CNGB1: variants seen among roughly 807,000 people sequenced by gnomAD.
The protein encoded by CNGB1 is cyclic nucleotide-gated channel beta-1.
A neutral mutation model predicts 151.7 loss-of-function variants in CNGB1; 126 were observed. That is an observed-to-expected ratio of 0.83 (90% CI 0.72 to 0.96). The LOEUF (loss-of-function observed/expected upper bound fraction) is 0.96. Among genes scored for constraint, CNGB1 ranks in the 40% least tolerant of loss-of-function variants. CNGB1 has a pLI of 0.00. For synonymous variants in CNGB1, 623 were observed against 635.1 expected (o/e 0.98, Z 0.29); for missense variants, 1,698 against 1,627.0 (o/e 1.04, Z -0.75).
intron 18 of CNGB1, 104 bp downstream of exon 18, chr16:57,923,169 T>A (rs1961090433): frequency 1.2e-6 from 1 of 831,992 alleles, no homozygotes; most frequent in Non-Finnish European, 1.9e-6. Flanking sequence ...ACTGGCAAAG[T>A]CTGCCTTGCG....
In CNGB1 at chr16:57,970,236, G is replaced by A. The variant is rs191040636; in HGVS notation, c.-9+824C>T. 6.6e-5 allele frequency among the ~76,000 whole-genome samples: 10 copies of A among 152,204 alleles called. No homozygotes were observed. In the South Asian group the frequency reaches 1.9e-3, roughly 28 times the overall value. Reference sequence around the variant, plus strand: ...CACAGACACAATGTTTTCCCAGGTCGGGACTGCCAGAGCTCACATGTTGGG... The same window carrying A: ...CACAGACACAATGTTTTCCCAGGTCAGGACTGCCAGAGCTCACATGTTGGG... On this transcript the variant is annotated intron_variant, in intron 1 of 32. Coordinates refer to ENST00000251102, the MANE Select transcript of CNGB1 (RefSeq NM_001297.5).
At chr16:57,942,537 A>G (rs575598215) in intron 14 of CNGB1, among the ~76,000 whole-genome samples, 1 of 152,350 alleles carries the variant, frequency 6.6e-6, no homozygotes, top group South Asian at 2.1e-4. Flanking sequence ...TGACAGAACC[A>G]TATGCTGAAA....
At chr16:57,932,095 C>T (rs930744314) in intron 16 of CNGB1, among the ~76,000 whole-genome samples, 2 of 152,132 alleles carry the variant, frequency 1.3e-5, no homozygotes, top group South Asian at 2.1e-4. Flanking sequence ...CCAGGAGCCA[C>T]GAAAGAAGCC....
At chr16:57,943,198 A>G (rs968698460) in intron 14 of CNGB1, among the ~76,000 whole-genome samples, 1 of 152,202 alleles carries the variant, frequency 6.6e-6, no homozygotes, top group African/African-American at 2.4e-5. Context: ...TAAGGAAAAA[A>G]ACTGATTTTA....
At chr16:57,952,459 C>A (rs1039938977) in intron 12 of CNGB1, among the ~76,000 whole-genome samples, 2 of 147,476 alleles carry the variant, frequency 1.4e-5, no homozygotes, top group Non-Finnish European at 3.0e-5. Context: ...CTTTTTAGGT[C>A]CTATTTAGTG....
chr16:57,951,415 A>C (rs1038887232), intron 12 of CNGB1, among the ~76,000 whole-genome samples: 6 of 152,158 alleles, frequency 3.9e-5, no homozygotes, highest in Non-Finnish European at 7.4e-5. Context: ...GCATTAGTGC[A>C]ATTATGGCTC....
intron 31 of CNGB1, among the ~76,000 whole-genome samples, chr16:57,888,530 G>A (rs567094452): frequency 2.1e-4 from 32 of 152,034 alleles, no homozygotes; most frequent in Non-Finnish European, 1.3e-4. Context: ...GTGTAGTGGC[G>A]TGATCATGGC....
intron 25 of CNGB1, among the ~76,000 whole-genome samples, chr16:57,909,622 C>T (rs1028269838): frequency 1.9e-4 from 29 of 152,302 alleles, no homozygotes; most frequent in African/African-American, 6.7e-4. Context: ...CTCTTGGCCT[C>T]ATGTGATCTG....
chr16:57,923,425 G>T, intron 17 of CNGB1, 45 bp from the exon 18 acceptor site: 1 of 1,478,318 alleles, frequency 6.8e-7, no homozygotes, highest in Admixed American at 1.7e-5. Flanking sequence ...AAAGGCAGAG[G>T]CCCCAGGGAG....
intron 26 of CNGB1, 142 bp downstream of exon 26, chr16:57,904,592 C>T (rs963255975): frequency 8.6e-7 from 1 of 1,166,356 alleles, no homozygotes; most frequent in Non-Finnish European, 1.3e-6. Context: ...GGGACCAGTG[C>T]TCCAGGCTCC....
rs771153803 is a variant in CNGB1, at chr16:57,964,542, G to C, written c.162C>G (p.Pro54=). The C allele has an allele frequency of 3.7e-6, 6 of 1,614,000 alleles. No homozygotes were observed. The highest frequency in any genetic ancestry group is 1.3e-5 in the African/African-American group (1 of 74,922). Residue 54 remains proline, a splice_region_variant and synonymous_variant, in exon 3 of 33, where the codon CCC becomes CCG. Transcript: ENST00000251102. ...CCTCCTCCTTGAATGACTCTTCGGG[G>C]GGCTAGAGGGTTCGAACAGGATCAT... ...EEAETESESM[P]PEESFKEEEV...
At position 57,884,409 on chromosome 16, in the gene CNGB1, C is replaced by G; in HGVS notation, c.3511G>C (p.Asp1171His). 6.2e-7 allele frequency: 1 copy of G among 1,613,512 alleles called. No homozygotes were observed. The highest frequency in any genetic ancestry group is 1.1e-5 in the South Asian group (1 of 91,054). The change falls in exon 33 of 33, where the codon GAC (aspartate) becomes CAC (histidine). Residue 1171 changes from aspartate (D) to histidine (H), a missense_variant. Transcript: ENST00000251102. ...VKGEEGSAAPDQHTHPKEAAT... is the reference protein window; with the variant it reads ...VKGEEGSAAPHQHTHPKEAAT... Reference sequence around the variant, plus strand: ...GCCTCCTTTGGGTGCGTGTGCTGGTCTGGGGCGGCGGAGCCTTCCTCTCCC... The same window carrying G: ...GCCTCCTTTGGGTGCGTGTGCTGGTGTGGGGCGGCGGAGCCTTCCTCTCCC...
rs1211923649 is a variant in CNGB1 at position 57,940,379 on chromosome 16, T to C, written c.1122-58A>G. 5 of 1,517,614 alleles carry C rather than the reference T, an allele frequency of 3.3e-6. No individual in the cohort carries two copies. In the African/African-American group the frequency reaches 5.5e-5, roughly 17 times the overall value. The allele number at this position is 1,517,614 out of a possible 1,614,324, so 94.0% of individuals were successfully genotyped here. A position where few individuals can be genotyped will look rare whatever the true frequency, so the allele number is the denominator to read the frequency against. On this transcript the variant is annotated intron_variant, in intron 14 of 32. Transcript: ENST00000251102. ...GGACTGGGTTAGGGTGTTAAAGGTT[T>C]CCCCAGCCCTGCTGAGGGCCACGCT... is the stretch of plus-strand genomic sequence containing the variant.
chr16:57,922,107 G>A (rs11645218), intron 18 of CNGB1, among the ~76,000 whole-genome samples: 23,490 of 152,144 alleles, frequency 0.15, 2,052 homozygotes, highest in Middle Eastern at 0.31. Context: ...CTGAGGGTGG[G>A]GTTGGGGCTT....
intron 18 of CNGB1, among the ~76,000 whole-genome samples, chr16:57,922,517 C>G (rs559041954): frequency 6.6e-6 from 1 of 151,430 alleles, no homozygotes; most frequent in Non-Finnish European, 1.5e-5. Flanking sequence ...CAACCTCTAC[C>G]TCCCAGGTTC....
chr16:57,950,407 C>T lies in CNGB1; in HGVS notation c.1008G>A (p.Glu336=). The T allele has an allele frequency of 7.4e-6, 12 of 1,614,248 alleles. No homozygotes were observed. The Middle Eastern group carries it at 4.9e-4, about 67-fold the overall frequency. ...GTEVVPAYEE[E]NKAVEKMPRE... is the part of the protein sequence containing the mutation. ...TGGGCATCTTCTCCACAGCTTTGTT[C>T]TCTTCTTCATAAGCTGGAACCACCT... is the stretch of plus-strand genomic sequence containing the variant. The change falls in exon 13 of 33, where the codon GAG becomes GAA. Residue 336 remains glutamate (E), a synonymous_variant. Transcript: ENST00000251102.
chr16:57,897,696 T>G, intron 30 of CNGB1, 100 bp downstream of exon 30: 1 of 1,520,096 alleles, frequency 6.6e-7, no homozygotes, highest in Non-Finnish European at 9.1e-7. Flanking sequence ...CAGGTGCCAG[T>G]GCTGCATCTA....
intron 21 of CNGB1, 49 bp from the exon 22 acceptor site, chr16:57,916,228 C>T: frequency 1.3e-6 from 2 of 1,568,728 alleles, no homozygotes; most frequent in Non-Finnish European, 1.8e-6. Flanking sequence ...AGCTTAATCT[C>T]TGACCCTGTG....
chr16:57,905,404 G>T (rs1404891118), intron 25 of CNGB1, among the ~76,000 whole-genome samples: 2 of 152,216 alleles, frequency 1.3e-5, no homozygotes, highest in African/African-American at 4.8e-5. Context: ...CACACCCGTG[G>T]TCACTAGTTG....
Sources: allele counts gnomAD v4.1 joint callset (sites outside exome capture counted in the v4.1 genomes callset), GRCh38; gene constraint gnomAD v4.1.1; transcripts MANE v1.5; gene names NCBI Gene and HGNC (gene_info 2026-07-23, HGNC 2026-07-21).